The following SDK1 variants were observed in gnomAD, a reference collection of about 807,000 sequenced individuals.
The protein encoded by SDK1 is sidekick cell adhesion molecule 1.
In SDK1, 157 loss-of-function variants were observed where a neutral mutation model predicts 245.5. The ratio of observed to expected loss-of-function variants is 0.64; its 90% CI spans 0.56 to 0.73. The LOEUF is 0.73. SDK1 is among the 30% of genes least tolerant of loss of function. SDK1 has a pLI of 0.00. For synonymous variants in SDK1, 1,647 were observed against 1,278.5 expected, an observed-to-expected ratio of 1.29 and a Z score of -6.15; for missense variants, 3,583 against 3,002.3, an observed-to-expected ratio of 1.19 and a Z score of -4.52.
At chr7:3,794,304 T>C (rs1372809390) in intron 4 of SDK1, among the ~76,000 whole-genome samples, 3 of 152,122 alleles carry the variant, frequency 2.0e-5, no homozygotes, top group African/African-American at 7.2e-5. Context: ...CTATTTAACA[T>C]TCCCCTTTTA....
At chr7:3,989,562 T>A (rs1784137626) in intron 14 of SDK1, among the ~76,000 whole-genome samples, 1 of 152,166 alleles carries the variant, frequency 6.6e-6, no homozygotes, top group Non-Finnish European at 1.5e-5. Flanking sequence ...TGTGGTTGTC[T>A]CTGGATGATA....
At chr7:3,726,609 G>T (rs1385076853) in intron 4 of SDK1, among the ~76,000 whole-genome samples, 1 of 152,196 alleles carries the variant, frequency 6.6e-6, no homozygotes, top group African/African-American at 2.4e-5. Context: ...CATCTCCAAG[G>T]TTATAAGTTA....
intron 4 of SDK1, among the ~76,000 whole-genome samples, chr7:3,715,738 G>C (rs1183719719): frequency 6.6e-6 from 1 of 152,106 alleles, no homozygotes; most frequent in Non-Finnish European, 1.5e-5. Context: ...CGTCCACAGA[G>C]AATGGAAAAT....
At chr7:3,590,122 C>G (rs1780817405) in intron 1 of SDK1, among the ~76,000 whole-genome samples, 1 of 152,160 alleles carries the variant, frequency 6.6e-6, no homozygotes, top group South Asian at 2.1e-4. Flanking sequence ...AAATGGAAAA[C>G]TAAAATTGGA....
At chr7:3,340,428 A>G (rs1045491886) in intron 1 of SDK1, among the ~76,000 whole-genome samples, 15 of 152,196 alleles carry the variant, frequency 9.9e-5, no homozygotes, top group African/African-American at 2.4e-4. Flanking sequence ...TGCTGAAAGC[A>G]GCGTTGTCAC....
chr7:3,817,530 G>T (rs1779539578), intron 4 of SDK1, among the ~76,000 whole-genome samples: 1 of 152,216 alleles, frequency 6.6e-6, no homozygotes. Context: ...TGCCCAGTGG[G>T]CTGTTTTCAC....
chr7:4,173,232 C>G (rs993416861), intron 32 of SDK1, among the ~76,000 whole-genome samples: 4 of 152,194 alleles, frequency 2.6e-5, no homozygotes, highest in African/African-American at 9.6e-5. Flanking sequence ...ATCTGAGTAT[C>G]CCAAGAAGAG....
In SDK1 at chr7:3,504,176, A is replaced by ATGTGTGTGTG. The variant is rs1453810894; in HGVS notation, c.299-114903_299-114902insGTGTGTGTGT. Among the ~76,000 whole-genome samples the ATGTGTGTGTG allele has an allele frequency of 4.1e-3, 241 of 58,350 alleles. 1 individual carries two copies. Among genetic ancestry groups the ATGTGTGTGTG allele is most frequent in the African/African-American group, 0.013 (221 of 16,602 alleles). The allele number at this position is 58,350 out of a possible 152,430, so 38.3% of individuals were successfully genotyped here. A position where few individuals can be genotyped will look rare whatever the true frequency, so the allele number is the denominator to read the frequency against. On this transcript the variant is annotated intron_variant, in intron 1 of 44. Coordinates refer to ENST00000404826, the MANE Select transcript of SDK1 (RefSeq NM_152744.4). The stretch of plus-strand genomic sequence containing the variant: ...AAAAAAAACCAAAAAAATTATATAT[A>ATGTGTGTGTG]TATATATGTGTGTGTGTGTGTGTGT...
intron 1 of SDK1, among the ~76,000 whole-genome samples, chr7:3,514,565 T>C (rs1253250864): frequency 6.6e-6 from 1 of 152,158 alleles, no homozygotes; most frequent in East Asian, 1.9e-4. Flanking sequence ...CTCGTGTGTC[T>C]CGTCACTGTC....
chr7:4,170,972 A>G lies in SDK1; in HGVS notation c.4801-3250A>G, dbSNP rs530939952. ...ATCAGCAGGCACTGTAGCCTCCCCT[A>G]CCTGTTCCCCTATCCAGCCTCGACT... On this transcript the variant is annotated intron_variant, in intron 32 of 44. Coordinates refer to ENST00000404826, the MANE Select transcript of SDK1 (RefSeq NM_152744.4). 8.8e-4 allele frequency among the ~76,000 whole-genome samples: 134 copies of G among 152,152 alleles called. 1 individual carries two copies. In the Middle Eastern group the frequency reaches 0.02, roughly 23 times the overall value.
intron 4 of SDK1, among the ~76,000 whole-genome samples, chr7:3,716,252 C>G (rs1219005552): frequency 2.0e-5 from 3 of 151,542 alleles, no homozygotes; most frequent in East Asian, 1.9e-4. Flanking sequence ...TAGGTGAAAG[C>G]TTTCTAAATT....
chr7:4,184,767 G>A (rs1167084086), intron 35 of SDK1, among the ~76,000 whole-genome samples: 3 of 152,218 alleles, frequency 2.0e-5, no homozygotes, highest in African/African-American at 7.2e-5. Context: ...ACGCCAACAA[G>A]CTTAAGCTGA....
intron 5 of SDK1, among the ~76,000 whole-genome samples, chr7:3,910,534 C>T (rs1310127808): frequency 6.6e-6 from 1 of 152,146 alleles, no homozygotes; most frequent in Non-Finnish European, 1.5e-5. Flanking sequence ...AGTCATCGTG[C>T]CATTCGGTTA....
chr7:3,629,317 A>G (rs570831129), intron 2 of SDK1, among the ~76,000 whole-genome samples: 5 of 151,896 alleles, frequency 3.3e-5, no homozygotes, highest in Middle Eastern at 3.4e-3. Context: ...AAAAAGAAAA[A>G]AAAGAAAAAA....
At chr7:3,643,849 G>C (rs1343143905) in intron 4 of SDK1, 1 of 150,286 alleles carries the variant, frequency 6.7e-6, no homozygotes, top group African/African-American at 2.4e-5. Flanking sequence ...GATCTGGCTG[G>C]AACCTAAATA....
chr7:4,230,505 AGGTT>A (rs1785690414), intron 40 of SDK1, among the ~76,000 whole-genome samples: 1 of 148,078 alleles, frequency 6.8e-6, no homozygotes, highest in African/African-American at 2.5e-5. Flanking sequence ...GAAGGAAAGA[AGGTT>A]GGTTACATGG....
At chr7:3,343,869 G>A (rs1205576363) in intron 1 of SDK1, among the ~76,000 whole-genome samples, 1 of 152,074 alleles carries the variant, frequency 6.6e-6, no homozygotes, top group African/African-American at 2.4e-5. Context: ...ACAAAAAACA[G>A]AATGGCAGTG....
chr7:3,583,085 A>G (rs1260935716), intron 1 of SDK1, among the ~76,000 whole-genome samples: 1 of 152,194 alleles, frequency 6.6e-6, no homozygotes, highest in African/African-American at 2.4e-5. Context: ...CATTTGGACA[A>G]GGAAACTGAT....
At chr7:4,054,678 G>A (rs1369641706) in intron 19 of SDK1, among the ~76,000 whole-genome samples, 1 of 152,078 alleles carries the variant, frequency 6.6e-6, no homozygotes, top group East Asian at 1.9e-4. Flanking sequence ...TAAGAGTGAT[G>A]AGACCAGACA....
Sources: gnomAD v4.1 joint callset for allele counts (sites outside exome capture counted in the v4.1 genomes callset) on GRCh38, gnomAD v4.1.1 for gene constraint, MANE v1.5 for transcripts, NCBI Gene and HGNC (gene_info 2026-07-23, HGNC 2026-07-21) for gene names.